The following PEPD variants were observed in gnomAD, a reference collection of about 807,000 sequenced individuals.
The protein encoded by PEPD is peptidase D.
A neutral mutation model predicts 60.7 loss-of-function variants in PEPD; 53 were observed. The observed-to-expected ratio is 0.87, with a 90% confidence interval of 0.70 to 1.10. The LOEUF (loss-of-function observed/expected upper bound fraction) is 1.10, where lower values mean the gene tolerates loss of function less well. PEPD is among the 50% of genes least tolerant of loss of function. The pLI, the probability that PEPD is intolerant of heterozygous loss-of-function variation, is 0.00. For synonymous variants in PEPD, 267 were observed against 284.1 expected, an observed-to-expected ratio of 0.94 and a Z score of 0.60; for missense variants, 711 against 711.9, an observed-to-expected ratio of 1.00 and a Z score of 0.01.
rs768598482 is a variant in PEPD at position 33,464,072 on chromosome 19, C to G, written c.549-10G>C. 4 of 1,606,290 alleles carry G rather than the reference C, an allele frequency of 2.5e-6. No homozygotes were observed. The highest frequency in any genetic ancestry group is 3.4e-6 in the Non-Finnish European group (4 of 1,173,258). On this transcript the variant is annotated splice_polypyrimidine_tract_variant and intron_variant, in intron 7 of 14. Coordinates refer to ENST00000244137, the MANE Select transcript of PEPD (RefSeq NM_000285.4). Reference sequence around the variant, plus strand: ...CGTCTTAAACACTCGGCTTCAGAGACAGAAGAACAAAGCAGCAAATCAGTG... The same window carrying G: ...CGTCTTAAACACTCGGCTTCAGAGAGAGAAGAACAAAGCAGCAAATCAGTG...
At chr19:33,486,171 G>A (rs1218050155) in intron 6 of PEPD, among the ~76,000 whole-genome samples, 1 of 152,092 alleles carries the variant, frequency 6.6e-6, no homozygotes, top group African/African-American at 2.4e-5. Context: ...GTTCCAGGGA[G>A]CCTATCTTGC....
chr19:33,393,946 TCA>T (rs1481735528), intron 12 of PEPD, among the ~76,000 whole-genome samples: 1 of 152,256 alleles, frequency 6.6e-6, no homozygotes. Flanking sequence ...CTGTCCCCTC[TCA>T]GAGGAGACCT....
chr19:33,511,173 A>G lies in PEPD; in HGVS notation c.202-18T>C. ...AAGGACTCCTGTGGCGGGAACAAGA[A>G]CTATTGTTAGCCAGTGGAACATGAG... On this transcript the variant is annotated intron_variant, in intron 2 of 14. Coordinates refer to ENST00000244137, the MANE Select transcript of PEPD (RefSeq NM_000285.4). 2.5e-6 allele frequency: 4 copies of G among 1,613,586 alleles called. No homozygotes were observed. The highest frequency in any genetic ancestry group is 3.4e-6 in the Non-Finnish European group (4 of 1,179,708).
In PEPD at chr19:33,512,581, G is replaced by A. The variant is rs555683541; in HGVS notation, c.201+12C>T. ...CACACCTGCTCACTTGTGGCCAAGCGGGGAGGCTCACCTGGCGGAAGAGGA... is the reference window on the plus strand; with the variant it reads ...CACACCTGCTCACTTGTGGCCAAGCAGGGAGGCTCACCTGGCGGAAGAGGA... On this transcript the variant is annotated intron_variant, in intron 2 of 14. Coordinates refer to ENST00000244137, the MANE Select transcript of PEPD (RefSeq NM_000285.4). 263 of 1,612,392 alleles carry A rather than the reference G, an allele frequency of 1.6e-4. No individual in the cohort carries two copies. The highest frequency in any genetic ancestry group is 3.5e-4 in the Middle Eastern group (2 of 5,790).
chr19:33,429,882 C>T (rs1340372562), intron 9 of PEPD, among the ~76,000 whole-genome samples: 1 of 152,174 alleles, frequency 6.6e-6, no homozygotes, highest in Non-Finnish European at 1.5e-5. Context: ...AGTTTAAGCT[C>T]GTCAGTAATC....
intron 7 of PEPD, among the ~76,000 whole-genome samples, chr19:33,466,799 C>A (rs191679524): frequency 2.0e-5 from 3 of 150,534 alleles, no homozygotes; most frequent in Admixed American, 1.3e-4. Flanking sequence ...AATAAAAAAA[C>A]CATTCTTTAA....
chr19:33,394,019 C>T (rs373500854), intron 12 of PEPD, among the ~76,000 whole-genome samples: 1 of 152,250 alleles, frequency 6.6e-6, no homozygotes, highest in Non-Finnish European at 1.5e-5. Context: ...AGCCTGCAGC[C>T]GTCCCCTGGA....
chr19:33,411,976 G>A (rs940866576), intron 10 of PEPD, among the ~76,000 whole-genome samples: 3 of 152,262 alleles, frequency 2.0e-5, no homozygotes, highest in African/African-American at 7.2e-5. Flanking sequence ...TGCAGGCAGA[G>A]CCTCCTGGCT....
rs1277057420 is a variant in PEPD at position 33,387,477 on chromosome 19, C to T, written c.1349G>A (p.Arg450His). Residue 450 changes from arginine (R) to histidine (H), a missense_variant, in exon 15 of 15, where the codon CGC (arginine) becomes CAC (histidine). By Grantham distance (29) the Arg-to-His change is conservative (BLOSUM62 0). Coordinates refer to ENST00000244137, the MANE Select transcript of PEPD (RefSeq NM_000285.4). ...LQRFRGFGGV[R>H]IEEDVVVTDS... is the part of the protein sequence containing the mutation. ...AGTCACCACGACGTCCTCCTCGATGCGGACCTGGGTCAAGCCGACAGACAC... is the reference window on the plus strand; with the variant it reads ...AGTCACCACGACGTCCTCCTCGATGTGGACCTGGGTCAAGCCGACAGACAC... 3.1e-6 allele frequency: 5 copies of T among 1,613,396 alleles called. No individual in the cohort carries two copies. The highest frequency in any genetic ancestry group is 2.7e-5 in the African/African-American group (2 of 74,926).
chr19:33,472,511 T>C (rs945098189), intron 7 of PEPD, among the ~76,000 whole-genome samples: 15 of 152,212 alleles, frequency 9.9e-5, no homozygotes, highest in Non-Finnish European at 2.9e-5. Context: ...TCCTACCCCA[T>C]GTAGGCCTAC....
At chr19:33,458,732 ATG>A (rs1969867771) in intron 9 of PEPD, among the ~76,000 whole-genome samples, 1 of 3,544 alleles carries the variant, frequency 2.8e-4, no homozygotes, top group African/African-American at 1.3e-3. Context: ...GCTATGCAGC[ATG>A]TGTGTTGTGT....
intron 3 of PEPD, 61 bp downstream of exon 3, chr19:33,510,966 TC>T (rs1970915019): frequency 7.9e-7 from 1 of 1,270,036 alleles, no homozygotes; most frequent in Admixed American, 2.0e-5. Flanking sequence ...TCATCCCACC[TC>T]CCCTACCCAC....
intron 9 of PEPD, among the ~76,000 whole-genome samples, chr19:33,431,074 C>A (rs1429448622): frequency 3.3e-5 from 5 of 151,716 alleles, no homozygotes; most frequent in African/African-American, 1.2e-4. Flanking sequence ...CGCACCACTG[C>A]ACCCCAGCCT....
intron 13 of PEPD, chr19:33,388,296 C>A (rs766289863): frequency 2.9e-6 from 2 of 691,770 alleles, no homozygotes; most frequent in South Asian, 3.0e-5. Context: ...GTGTCCCTGG[C>A]CACACTACCC....
intron 6 of PEPD, among the ~76,000 whole-genome samples, chr19:33,485,725 A>G (rs1366295345): frequency 6.6e-6 from 1 of 152,218 alleles, no homozygotes; most frequent in Non-Finnish European, 1.5e-5. Context: ...CTTAAATGGA[A>G]TCAATTCGTT....
At chr19:33,487,517 C>A (rs918114847) in intron 6 of PEPD, 3 of 152,290 alleles carry the variant, frequency 2.0e-5, no homozygotes, top group Non-Finnish European at 4.4e-5. Flanking sequence ...TCACCCGCTG[C>A]GCATTGCAAC....
At chr19:33,495,290 G>A (rs898809164) in intron 4 of PEPD, among the ~76,000 whole-genome samples, 6 of 151,670 alleles carry the variant, frequency 4.0e-5, no homozygotes, top group Non-Finnish European at 8.8e-5. Flanking sequence ...GGTGGATCGC[G>A]AGGTCAGGAG....
At chr19:33,478,447 A>T (rs1202582385) in intron 6 of PEPD, among the ~76,000 whole-genome samples, 1 of 152,200 alleles carries the variant, frequency 6.6e-6, no homozygotes, top group East Asian at 1.9e-4. Flanking sequence ...AATTTGATGA[A>T]AAACATTAAT....
At chr19:33,414,788 A>G (rs1270413112) in intron 9 of PEPD, among the ~76,000 whole-genome samples, 1 of 152,216 alleles carries the variant, frequency 6.6e-6, no homozygotes. Flanking sequence ...GCTGTGGTAG[A>G]TTCAATGGGC....
Sources: gnomAD v4.1 joint callset for allele counts (sites outside exome capture counted in the v4.1 genomes callset) on GRCh38, gnomAD v4.1.1 for gene constraint, MANE v1.5 for transcripts, NCBI Gene and HGNC (gene_info 2026-07-23, HGNC 2026-07-21) for gene names.